The following PABPC4L variants were observed in gnomAD, a reference collection of about 807,000 sequenced individuals.
PABPC4L encodes polyadenylate-binding protein 4-like.
For missense variants in PABPC4L, 452 were observed against 451.4 expected, an observed-to-expected ratio of 1.00 and a Z score of -0.01; for synonymous variants, 169 against 164.1, an observed-to-expected ratio of 1.03 and a Z score of -0.23.
At chr4:134,111,280 C>T in the PABPC4L span, among the ~76,000 whole-genome samples, 1 of 151,976 alleles carries the variant, frequency 6.6e-6, no homozygotes, top group Non-Finnish European at 1.5e-5. Context: ...ATGACTTGAT[C>T]ATTTCCCAAA....
the PABPC4L span, among the ~76,000 whole-genome samples, chr4:134,158,447 A>G: frequency 6.6e-6 from 1 of 152,186 alleles, no homozygotes; most frequent in East Asian, 1.9e-4. Flanking sequence ...CCATTCTGAC[A>G]TATTCTTAAA....
chr4:134,105,651 T>C, the PABPC4L span, among the ~76,000 whole-genome samples: 2 of 151,780 alleles, frequency 1.3e-5, no homozygotes, highest in South Asian at 4.1e-4. Context: ...GAAAAGTGTG[T>C]TGTTTGGTTT....
At chr4:134,183,148 T>A in the PABPC4L span, among the ~76,000 whole-genome samples, 5 of 151,614 alleles carry the variant, frequency 3.3e-5, no homozygotes, top group African/African-American at 1.2e-4. Flanking sequence ...ACAAAGACAA[T>A]AGCATGCAAA....
At chr4:133,971,465 C>T in the PABPC4L span, among the ~76,000 whole-genome samples, 1 of 152,100 alleles carries the variant, frequency 6.6e-6, no homozygotes, top group African/African-American at 2.4e-5. Flanking sequence ...CCAGCCTCAC[C>T]CTCACACCTG....
At chr4:134,160,400 T>C in the PABPC4L span, among the ~76,000 whole-genome samples, 1 of 152,060 alleles carries the variant, frequency 6.6e-6, no homozygotes, top group Non-Finnish European at 1.5e-5. Context: ...GCCACAGTGT[T>C]CCTATGCTTA....
the PABPC4L span, among the ~76,000 whole-genome samples, chr4:134,154,027 G>A: frequency 2.0e-5 from 3 of 151,612 alleles, no homozygotes; most frequent in Non-Finnish European, 2.9e-5. Context: ...AATGAAACGC[G>A]TCCCTAAAGG....
At chr4:133,972,672 A>C in the PABPC4L span, among the ~76,000 whole-genome samples, 1 of 152,226 alleles carries the variant, frequency 6.6e-6, no homozygotes, top group Non-Finnish European at 1.5e-5. Flanking sequence ...ATCATAGTGA[A>C]AAAGATCAAA....
At chr4:134,187,481 G>A in the PABPC4L span, among the ~76,000 whole-genome samples, 1 of 140,842 alleles carries the variant, frequency 7.1e-6, no homozygotes, top group Non-Finnish European at 1.5e-5. Flanking sequence ...CTCATAGGTG[G>A]GAACTGAGCA....
At chr4:134,185,968 C>A in the PABPC4L span, among the ~76,000 whole-genome samples, 1 of 152,176 alleles carries the variant, frequency 6.6e-6, no homozygotes, top group East Asian at 1.9e-4. Context: ...ACCTACGAAT[C>A]CAACTTACAA....
chr4:134,094,495 A>G, the PABPC4L span, among the ~76,000 whole-genome samples: 8 of 151,996 alleles, frequency 5.3e-5, no homozygotes, highest in Admixed American at 1.3e-4. Flanking sequence ...AATTGAAAGT[A>G]TAGAACACTT....
At chr4:133,981,120 C>T in the PABPC4L span, among the ~76,000 whole-genome samples, 2 of 151,506 alleles carry the variant, frequency 1.3e-5, no homozygotes, top group Non-Finnish European at 2.9e-5. Context: ...GAGATCGTGC[C>T]ATTGCACTCC....
At chr4:133,993,284 G>T in the PABPC4L span, among the ~76,000 whole-genome samples, 1 of 152,044 alleles carries the variant, frequency 6.6e-6, no homozygotes, top group East Asian at 1.9e-4. Context: ...ACGTTCTACT[G>T]TGGCCTGTCC....
the PABPC4L span, among the ~76,000 whole-genome samples, chr4:134,094,225 C>G: frequency 1.3e-5 from 2 of 151,380 alleles, no homozygotes; most frequent in East Asian, 3.9e-4. Flanking sequence ...TATCTATAGT[C>G]CTTAATTTTT....
the PABPC4L span, among the ~76,000 whole-genome samples, chr4:134,138,942 T>A: frequency 1.3e-5 from 2 of 151,810 alleles, no homozygotes; most frequent in African/African-American, 4.8e-5. Flanking sequence ...TATCAGCTAG[T>A]GAAAGAAAAT....
At chr4:134,116,179 C>T in the PABPC4L span, among the ~76,000 whole-genome samples, 3 of 151,742 alleles carry the variant, frequency 2.0e-5, no homozygotes, top group Non-Finnish European at 4.4e-5. Flanking sequence ...ATGGCATGAC[C>T]TCCATTATCT....
the PABPC4L span, among the ~76,000 whole-genome samples, chr4:134,010,131 C>T: frequency 6.6e-6 from 1 of 152,014 alleles, no homozygotes; most frequent in East Asian, 1.9e-4. Flanking sequence ...TCATTTTATA[C>T]AGGCAAGTGC....
At chr4:134,120,064 C>G in the PABPC4L span, among the ~76,000 whole-genome samples, 1 of 151,538 alleles carries the variant, frequency 6.6e-6, no homozygotes, top group Admixed American at 6.6e-5. Flanking sequence ...TTTTCTGGTA[C>G]ATATATACAT....
the PABPC4L span, among the ~76,000 whole-genome samples, chr4:134,038,778 G>A: frequency 2.6e-5 from 4 of 151,930 alleles, no homozygotes; most frequent in Non-Finnish European, 5.9e-5. Flanking sequence ...ACCAGCTCCT[G>A]GATTCATTGA....
chr4:134,020,556 G>A, the PABPC4L span, among the ~76,000 whole-genome samples: 1 of 152,092 alleles, frequency 6.6e-6, no homozygotes, highest in African/African-American at 2.4e-5. Flanking sequence ...AAACCAGCAA[G>A]CCCCAGCCTC....
Sources: allele counts gnomAD v4.1 joint callset (sites outside exome capture counted in the v4.1 genomes callset), GRCh38; gene constraint gnomAD v4.1.1; transcripts MANE v1.5; gene names NCBI Gene and HGNC (gene_info 2026-07-23, HGNC 2026-07-21).